Variants in ALKBH5 observed in about 807,000 individuals in gnomAD.
ALKBH5 encodes the protein RNA demethylase ALKBH5.
ALKBH5 carries 2 observed loss-of-function variants against 32.1 expected under a neutral mutation model. The observed-to-expected ratio is 0.06, with a 90% CI of 0.03 to 0.20. ALKBH5 has a LOEUF of 0.20. Among genes scored for constraint, ALKBH5 ranks in the 10% least tolerant of loss-of-function variants. The pLI is 1.00. For missense variants in ALKBH5, 352 were observed against 559.5 expected (o/e 0.63, Z 3.74); for synonymous variants, 300 against 231.7 (o/e 1.29, Z -2.68).
In ALKBH5 at chr17:18,208,495, T is replaced by C; in HGVS notation, c.*99T>C. ...GTTTTTGTTCATTGGGGGGTTTTTGTTTTTTGTTTTTTGTTTTTTTTGATT... is the reference window on the plus strand; with the variant it reads ...GTTTTTGTTCATTGGGGGGTTTTTGCTTTTTGTTTTTTGTTTTTTTTGATT... On this transcript the variant is annotated 3_prime_UTR_variant, in exon 4 of 4. Coordinates refer to ENST00000399138, the MANE Select transcript of ALKBH5 (RefSeq NM_017758.4). 1 of 516,186 alleles carries C rather than the reference T, an allele frequency of 1.9e-6. No homozygotes were observed. The highest frequency in any genetic ancestry group is 3.1e-6 in the Non-Finnish European group (1 of 324,914). The allele number at this position is 516,186 out of a possible 1,614,324, so 32.0% of individuals were successfully genotyped here. A position where few individuals can be genotyped will look rare whatever the true frequency, so the allele number is the denominator to read the frequency against.
At chr17:18,186,045 A>G (rs137927746) in intron 1 of ALKBH5, among the ~76,000 whole-genome samples, 152 of 152,266 alleles carry the variant, frequency 1.0e-3, no homozygotes, top group African/African-American at 3.5e-3. Context: ...GGCCAAAGTC[A>G]TGAGGAGAAG....
intron 2 of ALKBH5, among the ~76,000 whole-genome samples, chr17:18,200,542 C>G (rs1417762658): frequency 6.6e-6 from 1 of 152,160 alleles, no homozygotes; most frequent in Non-Finnish European, 1.5e-5. Flanking sequence ...AGCTGGAGAT[C>G]CCTTTGCCAA....
At chr17:18,203,926 A>G (rs1185497444) in intron 2 of ALKBH5, among the ~76,000 whole-genome samples, 2 of 152,184 alleles carry the variant, frequency 1.3e-5, no homozygotes, top group Non-Finnish European at 2.9e-5. Flanking sequence ...AAACAACTCC[A>G]GAGTGCCCCC....
At chr17:18,188,918 C>T (rs2047156189) in intron 1 of ALKBH5, among the ~76,000 whole-genome samples, 5 of 151,742 alleles carry the variant, frequency 3.3e-5, no homozygotes. Context: ...AATACAAAAA[C>T]TAGCCGGGCA....
chr17:18,188,688 A>G (rs891782042), intron 1 of ALKBH5, among the ~76,000 whole-genome samples: 1 of 152,218 alleles, frequency 6.6e-6, no homozygotes, highest in African/African-American at 2.4e-5. Flanking sequence ...CTGACAAGGC[A>G]GAGGGCAGTA....
Position 18,185,016 on chromosome 17 carries a change from A to T in ALKBH5, c.770+3A>T. ...AGGGGAAGCGTGACTGTGCTCAGGT[A>T]ACCCACCCGGGTGGAGGGGGCGGCC... On this transcript the variant is annotated splice_donor_region_variant and intron_variant, in intron 1 of 3. Coordinates refer to ENST00000399138, the MANE Select transcript of ALKBH5 (RefSeq NM_017758.4). The T allele has an allele frequency of 6.2e-7, 1 of 1,603,162 alleles. No homozygotes were observed. Among genetic ancestry groups the T allele is most frequent in the Non-Finnish European group, 8.5e-7 (1 of 1,175,674 alleles).
At chr17:18,186,549 CA>C (rs1426989654) in intron 1 of ALKBH5, among the ~76,000 whole-genome samples, 1 of 152,080 alleles carries the variant, frequency 6.6e-6, no homozygotes, top group Non-Finnish European at 1.5e-5. Flanking sequence ...GAGGGGATCA[CA>C]AGGCATTTTT....
At chr17:18,201,802 T>TA (rs767222484) in intron 2 of ALKBH5, among the ~76,000 whole-genome samples, 6,287 of 54,624 alleles carry the variant, frequency 0.12, 167 homozygotes, top group East Asian at 0.19. Flanking sequence ...ATAAGATAGA[T>TA]AGATAGATAG....
Position 18,200,112 on chromosome 17 carries a change from A to ATTTT in ALKBH5, c.851+5088_851+5091dup, listed in dbSNP as rs11393364. Among the ~76,000 whole-genome samples, 145 of 135,552 alleles carry ATTTT rather than the reference A, an allele frequency of 1.1e-3. 1 individual carries two copies. The highest frequency in any genetic ancestry group is 3.6e-3 in the African/African-American group (127 of 34,918). The allele number at this position is 135,552 out of a possible 152,430, so 88.9% of individuals were successfully genotyped here. ...ACTCCATCTCAAAAAAAAAAAAAAA[A>ATTTT]TTTTTTTTTTTTTTAAATTACATCC... is the stretch of plus-strand genomic sequence containing the variant. On this transcript the variant is annotated intron_variant, in intron 2 of 3. Coordinates refer to ENST00000399138, the MANE Select transcript of ALKBH5 (RefSeq NM_017758.4).
intron 1 of ALKBH5, 61 bp from the exon 2 acceptor site, chr17:18,194,894 C>T (rs964835570): frequency 3.4e-6 from 5 of 1,460,386 alleles, no homozygotes; most frequent in Non-Finnish European, 3.8e-6. Flanking sequence ...CTGTTATATC[C>T]CCCAGGAACT....
At position 18,194,056 on chromosome 17, in the gene ALKBH5, A is replaced by G. The variant is rs141165773; in HGVS notation, c.771-899A>G. On this transcript the variant is annotated intron_variant, in intron 1 of 3. Transcript: ENST00000399138. ...CTGAGAAGAGGACAGTCATCTACCC[A>G]CATTAGTTGGTCTCTGAGCGGTTTT... is the stretch of plus-strand genomic sequence containing the variant. Among the ~76,000 whole-genome samples the G allele has an allele frequency of 6.8e-3, 1,032 of 151,224 alleles. 10 individuals are homozygous for G. Among genetic ancestry groups the G allele is most frequent in the African/African-American group, 0.024 (989 of 41,212 alleles).
chr17:18,187,907 C>T (rs1433087819), intron 1 of ALKBH5, among the ~76,000 whole-genome samples: 1 of 152,120 alleles, frequency 6.6e-6, no homozygotes, highest in Non-Finnish European at 1.5e-5. Context: ...GGTATCTGTA[C>T]CCCTCTAAGA....
At chr17:18,190,321 G>A (rs1264399647) in intron 1 of ALKBH5, among the ~76,000 whole-genome samples, 1 of 152,140 alleles carries the variant, frequency 6.6e-6, no homozygotes, top group African/African-American at 2.4e-5. Flanking sequence ...AGGCCAGGGC[G>A]GGTGGATCAC....
At chr17:18,193,353 C>G (rs2047188650) in intron 1 of ALKBH5, among the ~76,000 whole-genome samples, 1 of 151,976 alleles carries the variant, frequency 6.6e-6, no homozygotes, top group Non-Finnish European at 1.5e-5. Context: ...CAAGACCATC[C>G]TGACCAACAT....
At position 18,184,371 on chromosome 17, in the gene ALKBH5, C is replaced by CCGT; in HGVS notation, c.128_129insCGT (p.Ala43_Ala44insVal). ...GCAGCCGCCGTAGCCGCCGCAGCCGCAGCCGCCGCTGCCGCCGAACCTTAC... is the reference window on the plus strand; with the variant it reads ...GCAGCCGCCGTAGCCGCCGCAGCCGCCGTAGCCGCCGCTGCCGCCGAACCTTAC... On this transcript the variant is annotated inframe_insertion, in exon 1 of 4. Coordinates refer to ENST00000399138, the MANE Select transcript of ALKBH5 (RefSeq NM_017758.4). 1 of 1,517,712 alleles carries CCGT rather than the reference C, an allele frequency of 6.6e-7. No individual in the cohort carries two copies. Among genetic ancestry groups the CCGT allele is most frequent in the South Asian group, 1.2e-5 (1 of 80,516 alleles). The allele number at this position is 1,517,712 out of a possible 1,614,324, so 94.0% of individuals were successfully genotyped here. A position where few individuals can be genotyped will look rare whatever the true frequency, so the allele number is the denominator to read the frequency against.
intron 2 of ALKBH5, among the ~76,000 whole-genome samples, chr17:18,199,547 T>C (rs926772838): frequency 1.3e-5 from 2 of 152,170 alleles, no homozygotes; most frequent in African/African-American, 2.4e-5. Flanking sequence ...GTATGAACTC[T>C]GTTTGGAAAG....
At chr17:18,199,506 A>G (rs2047223987) in intron 2 of ALKBH5, among the ~76,000 whole-genome samples, 1 of 152,160 alleles carries the variant, frequency 6.6e-6, no homozygotes, top group Non-Finnish European at 1.5e-5. Context: ...CCCTGTGCCA[A>G]GCATCCACAT....
Position 18,206,913 on chromosome 17 carries a change from A to T in ALKBH5, c.950A>T (p.Asp317Val). ...ASDRLSGNNR[D>V]PALKPKRSHR... ...GATCGCCTGTCAGGAAACAACAGGG[A>T]CCCTGCTCTGAAACCCAAGCGGTCC... The change falls in exon 3 of 4, where the codon GAC becomes GTC. Residue 317 changes from aspartate to valine, a missense_variant. Asp to Val is a radical substitution (Grantham distance 152, BLOSUM62 -3). Coordinates refer to ENST00000399138, the MANE Select transcript of ALKBH5 (RefSeq NM_017758.4). 6.2e-7 allele frequency: 1 copy of T among 1,614,236 alleles called. No homozygotes were observed. The highest frequency in any genetic ancestry group is 2.2e-5 in the East Asian group (1 of 44,882).
Position 18,183,881 on chromosome 17 carries a change from G to A in ALKBH5, c.-363G>A. 2.5e-6 allele frequency: 1 copy of A among 400,654 alleles called. No individual in the cohort carries two copies. Among genetic ancestry groups the A allele is most frequent in the South Asian group, 1.9e-5 (1 of 52,236 alleles). The allele number at this position is 400,654 out of a possible 1,614,324, so 24.8% of individuals were successfully genotyped here. A position where few individuals can be genotyped will look rare whatever the true frequency, so the allele number is the denominator to read the frequency against. On this transcript the variant is annotated 5_prime_UTR_variant, in exon 1 of 4. Coordinates refer to ENST00000399138, the MANE Select transcript of ALKBH5 (RefSeq NM_017758.4). ...GGACGTCGGGCTGGCTGCCCGTGAC[G>A]TCGTGCGGAGAGCTTTAAAGTGCGG...
Sources: gnomAD v4.1 joint callset for allele counts (sites outside exome capture counted in the v4.1 genomes callset) on GRCh38, gnomAD v4.1.1 for gene constraint, MANE v1.5 for transcripts, NCBI Gene and HGNC (gene_info 2026-07-23, HGNC 2026-07-21) for gene names.